Variants in ZBTB10 observed in about 807,000 individuals in gnomAD.
The protein encoded by ZBTB10 is zinc finger and BTB domain containing 10, also known as zinc finger and BTB domain-containing protein 10.
Under a neutral mutation model 76.4 loss-of-function variants are expected in ZBTB10, and 32 were observed. The ratio of observed to expected loss-of-function variants is 0.42; its 90% CI spans 0.32 to 0.56. The LOEUF is 0.56. Ranked by LOEUF, ZBTB10 falls within the 20% of genes least tolerant of loss-of-function variation. The probability of loss-of-function intolerance (pLI) is 0.14; values close to 1 mark genes in which losing one functional copy is unlikely to be tolerated. For synonymous variants in ZBTB10, 523 were observed against 432.9 expected (o/e 1.21, Z -2.58); for missense variants, 1,057 against 1,098.5 (o/e 0.96, Z 0.53).
upstream of ZBTB10, chr8:80,486,005 G>A: frequency 4.5e-6 from 5 of 1,100,596 alleles, no homozygotes; most frequent in Non-Finnish European, 6.2e-6. Context: ...CCGCCGCCCG[G>A]CCTTTTGTCC....
chr8:80,510,005 A>G (rs1816150227), intron 2 of ZBTB10, among the ~76,000 whole-genome samples: 1 of 152,186 alleles, frequency 6.6e-6, no homozygotes. Context: ...TACATGGTTA[A>G]TTAGAGAAGT....
intron 1 of ZBTB10, among the ~76,000 whole-genome samples, chr8:80,492,310 C>T (rs1322634055): frequency 6.6e-6 from 1 of 152,126 alleles, no homozygotes; most frequent in African/African-American, 2.4e-5. Context: ...CCTTCTCCAT[C>T]TTAAATTTAG....
intron 2 of ZBTB10, among the ~76,000 whole-genome samples, chr8:80,505,662 G>C (rs1186666523): frequency 3.3e-5 from 5 of 152,112 alleles, no homozygotes; most frequent in African/African-American, 1.2e-4. Flanking sequence ...TGGTAAAAAA[G>C]CATACAATTT....
chr8:80,520,369 G>C lies in ZBTB10; in HGVS notation c.*841G>C, dbSNP rs144432315. ...ATGATATTTTCTGACATGGTATTTG[G>C]TTTTGGGTATCTGTTACTTTGGCAC... On this transcript the variant is annotated 3_prime_UTR_variant, in exon 6 of 6. Coordinates refer to ENST00000455036, the MANE Select transcript of ZBTB10 (RefSeq NM_001105539.3). 9.9e-3 allele frequency: 1,510 copies of C among 152,564 alleles called. 16 individuals carry two copies. Among genetic ancestry groups the C allele is most frequent in the Non-Finnish European group, 0.014 (969 of 67,922 alleles). The allele number at this position is 152,564 out of a possible 1,614,324, so 9.5% of individuals were successfully genotyped here.
Position 80,486,967 on chromosome 8 carries a change from C to T in ZBTB10, c.157C>T (p.Pro53Ser). The T allele has an allele frequency of 6.6e-7, 1 of 1,513,040 alleles. No homozygotes were observed. Among genetic ancestry groups the T allele is most frequent in the Non-Finnish European group, 8.8e-7 (1 of 1,135,636 alleles). The allele number at this position is 1,513,040 out of a possible 1,614,324, so 93.7% of individuals were successfully genotyped here. A position where few individuals can be genotyped will look rare whatever the true frequency, so the allele number is the denominator to read the frequency against. The change falls in exon 1 of 6, where the codon CCC becomes TCC. Residue 53 changes from proline (P) to serine (S), a missense_variant. Around this residue, in one of 5 missense-constraint regions of ZBTB10, gnomAD observed 556 missense variants for 451.7 expected, o/e 1.23. Coordinates refer to ENST00000455036, the MANE Select transcript of ZBTB10 (RefSeq NM_001105539.3). ...GAGACAGCCCCCGCCGCCAGCGCCG[C>T]CCGCGCTTCAGCCGCCTAATGGGCG... ...QPRQPPPPAP[P>S]ALQPPNGRGA...
chr8:80,494,473 C>G (rs573026661), intron 1 of ZBTB10, among the ~76,000 whole-genome samples: 5 of 152,166 alleles, frequency 3.3e-5, no homozygotes, highest in Non-Finnish European at 5.9e-5. Flanking sequence ...GCTGATGACC[C>G]TATGATTCTC....
At position 80,487,169 on chromosome 8, in the gene ZBTB10, G is replaced by A; in HGVS notation, c.359G>A (p.Arg120His). 1 of 1,531,976 alleles carries A rather than the reference G, an allele frequency of 6.5e-7. No individual in the cohort carries two copies. The allele number at this position is 1,531,976 out of a possible 1,614,324, so 94.9% of individuals were successfully genotyped here. Residue 120 changes from arginine (R) to histidine (H), a missense_variant, in exon 1 of 6, where the codon CGT (arginine) becomes CAT (histidine). By Grantham distance (29) the Arg-to-His change is conservative (BLOSUM62 0). Coordinates refer to ENST00000455036, the MANE Select transcript of ZBTB10 (RefSeq NM_001105539.3). ...GGCCCCCTGCTAGCGGAAAGGAACC[G>A]TCGGACTCTGGCCTTCCGAGGCGGC... ...AGGPLLAERN[R>H]RTLAFRGGGG...
rs1165970077 is a variant in ZBTB10, at chr8:80,487,242, G to A, written c.432G>A (p.Glu144=). ...ATGGCAGTAGCCGCGGCCGCCCCGAGACCTCGGTGTGGCCCTTGAGGCATT... is the reference window on the plus strand; with the variant it reads ...ATGGCAGTAGCCGCGGCCGCCCCGAAACCTCGGTGTGGCCCTTGAGGCATT... ...GNNGSSRGRP[E]TSVWPLRHFN... The change falls in exon 1 of 6, where the codon GAG becomes GAA. Residue 144 remains glutamate, a synonymous_variant. Coordinates refer to ENST00000455036, the MANE Select transcript of ZBTB10 (RefSeq NM_001105539.3). 6 of 1,549,404 alleles carry A rather than the reference G, an allele frequency of 3.9e-6. No individual in the cohort carries two copies. In the East Asian group the frequency reaches 1.5e-4, roughly 38 times the overall value.
chr8:80,504,713 C>A (rs1002386267), intron 2 of ZBTB10, among the ~76,000 whole-genome samples: 13 of 151,188 alleles, frequency 8.6e-5, no homozygotes, highest in Non-Finnish European at 1.2e-4. Flanking sequence ...TCTGGGTAAT[C>A]AAATAAGGGT....
chr8:80,506,987 T>G (rs564147905), intron 2 of ZBTB10, among the ~76,000 whole-genome samples: 3 of 152,240 alleles, frequency 2.0e-5, no homozygotes, highest in South Asian at 4.2e-4. Flanking sequence ...ACTTATGTAT[T>G]TATTTATTTT....
chr8:80,493,193 A>ATGCGCG (rs1491520799), intron 1 of ZBTB10, among the ~76,000 whole-genome samples: 2 of 124,446 alleles, frequency 1.6e-5, no homozygotes, highest in Non-Finnish European at 1.7e-5. Flanking sequence ...GTGCCTCAAA[A>ATGCGCG]CGCGCGCGCG....
chr8:80,486,019 A>G (rs1585830251), upstream of ZBTB10: 1 of 980,476 alleles, frequency 1.0e-6, no homozygotes, highest in Non-Finnish European at 1.4e-6. Flanking sequence ...TTTGTCCCCA[A>G]CCCCTCGGCC....
chr8:80,500,587 C>T (rs1279760976), intron 2 of ZBTB10, among the ~76,000 whole-genome samples: 1 of 152,112 alleles, frequency 6.6e-6, no homozygotes, highest in Non-Finnish European at 1.5e-5. Context: ...GTGGGTTTAT[C>T]AAAAGATGTA....
chr8:80,524,650 A>G lies in ZBTB10; in HGVS notation c.*5122A>G, dbSNP rs915252823. The G allele has an allele frequency of 2.0e-5, 3 of 152,112 alleles. No individual in the cohort carries two copies. The highest frequency in any genetic ancestry group is 6.6e-5 in the Admixed American group (1 of 15,244). 9.4% of individuals were successfully genotyped at this position (152,112 alleles called of 1,614,324 possible). On this transcript the variant is annotated 3_prime_UTR_variant, in exon 6 of 6. Coordinates refer to ENST00000455036, the MANE Select transcript of ZBTB10 (RefSeq NM_001105539.3). ...TTGATTTTGTTTGGAGAAGGGCACA[A>G]TAAAGGGGAGCCCACATAGCATTAT...
chr8:80,517,680 T>C (rs1344766244), intron 3 of ZBTB10, among the ~76,000 whole-genome samples: 1 of 152,092 alleles, frequency 6.6e-6, no homozygotes, highest in East Asian at 1.9e-4. Context: ...GTGCCTGTCC[T>C]GGATTCGTAA....
chr8:80,513,007 C>A (rs1816233756), intron 2 of ZBTB10, among the ~76,000 whole-genome samples: 1 of 152,028 alleles, frequency 6.6e-6, no homozygotes, highest in African/African-American at 2.4e-5. Context: ...GACTACTTTT[C>A]CCCTAAAAGT....
At chr8:80,519,010 A>G in intron 5 of ZBTB10, 56 bp downstream of exon 5, 1 of 1,514,460 alleles carries the variant, frequency 6.6e-7, no homozygotes, top group South Asian at 1.3e-5. Context: ...ATGTCAGTGA[A>G]GTTTAAAGGG....
rs1258425337 is a variant in ZBTB10 at position 80,521,427 on chromosome 8, G to A, written c.*1899G>A. 5.3e-5 allele frequency: 8 copies of A among 151,800 alleles called. No individual in the cohort carries two copies. The highest frequency in any genetic ancestry group is 1.2e-4 in the Non-Finnish European group (8 of 67,704). 9.4% of individuals were successfully genotyped at this position (151,800 alleles called of 1,614,324 possible). On this transcript the variant is annotated 3_prime_UTR_variant, in exon 6 of 6. Coordinates refer to ENST00000455036, the MANE Select transcript of ZBTB10 (RefSeq NM_001105539.3). ...ATTTTAAACGTAAAATGTTCTTTGT[G>A]AATATGTAAGTATAGTATAAAGATT...
chr8:80,499,252 A>T (rs911880668), intron 1 of ZBTB10, among the ~76,000 whole-genome samples: 2 of 152,182 alleles, frequency 1.3e-5, no homozygotes, highest in Admixed American at 6.5e-5. Context: ...TGAAACATAT[A>T]ACATGATGAA....
Sources: allele counts gnomAD v4.1 joint callset (sites outside exome capture counted in the v4.1 genomes callset), GRCh38; gene constraint gnomAD v4.1.1; regional missense constraint gnomAD v4.1.1; transcripts MANE v1.5; gene names NCBI Gene and HGNC (gene_info 2026-07-23, HGNC 2026-07-21).